The following SLC35F4 variants were observed in gnomAD, a reference collection of about 807,000 sequenced individuals.
The protein encoded by SLC35F4 is chromosome 14 open reading frame 36.
SLC35F4 carries 24 observed loss-of-function variants against 44.2 expected under a neutral mutation model. The observed-to-expected ratio is 0.54, with a 90% CI of 0.39 to 0.76. The LOEUF (loss-of-function observed/expected upper bound fraction) is 0.76. SLC35F4 is among the 30% of genes least tolerant of loss of function. SLC35F4 has a pLI of 0.00. For synonymous variants in SLC35F4, 238 were observed against 223.6 expected (o/e 1.06, Z -0.57); for missense variants, 562 against 586.1 (o/e 0.96, Z 0.42).
At chr14:57,603,291 ATTT>A (rs1012648509) in intron 1 of SLC35F4, among the ~76,000 whole-genome samples, 5 of 152,134 alleles carry the variant, frequency 3.3e-5, no homozygotes, top group Non-Finnish European at 7.4e-5. Context: ...AGAACAAACA[ATTT>A]TTTTAAAAAA....
intron 1 of SLC35F4, among the ~76,000 whole-genome samples, chr14:57,665,828 T>C (rs962639884): frequency 2.0e-5 from 3 of 152,204 alleles, no homozygotes; most frequent in Non-Finnish European, 4.4e-5. Flanking sequence ...GTCTTTTGCA[T>C]GGACATGGAT....
chr14:57,667,272 C>T (rs897231898), intron 1 of SLC35F4, among the ~76,000 whole-genome samples: 7 of 151,888 alleles, frequency 4.6e-5, no homozygotes, highest in Non-Finnish European at 7.4e-5. Context: ...TACTGCCAAA[C>T]GTTTTTAAAG....
chr14:57,675,883 G>A (rs1414966019), intron 1 of SLC35F4, among the ~76,000 whole-genome samples: 2 of 152,024 alleles, frequency 1.3e-5, no homozygotes, highest in Admixed American at 6.6e-5. Context: ...GATAGCATCA[G>A]AAAAACTCTT....
chr14:57,686,935 T>C (rs950545520), intron 1 of SLC35F4, among the ~76,000 whole-genome samples: 1 of 149,894 alleles, frequency 6.7e-6, no homozygotes, highest in African/African-American at 2.5e-5. Context: ...TATTTAGAGA[T>C]AAGGTCTTTA....
intron 1 of SLC35F4, among the ~76,000 whole-genome samples, chr14:57,695,892 A>C (rs980243262): frequency 6.6e-6 from 1 of 152,182 alleles, no homozygotes; most frequent in African/African-American, 2.4e-5. Flanking sequence ...GAAACTGGAG[A>C]CTTTTATATT....
intron 1 of SLC35F4, among the ~76,000 whole-genome samples, chr14:57,929,064 G>A (rs1889640153): frequency 6.6e-6 from 1 of 152,180 alleles, no homozygotes; most frequent in Non-Finnish European, 1.5e-5. Context: ...AAAAAGTATT[G>A]AAATGTAAGT....
chr14:57,786,112 C>G (rs900659992), intron 1 of SLC35F4, among the ~76,000 whole-genome samples: 5 of 151,988 alleles, frequency 3.3e-5, no homozygotes, highest in Admixed American at 6.6e-5. Context: ...CTTCAGTTTG[C>G]GTGGGAGCTG....
intron 1 of SLC35F4, among the ~76,000 whole-genome samples, chr14:57,742,642 C>A (rs1338237337): frequency 1.3e-5 from 2 of 152,164 alleles, no homozygotes; most frequent in Non-Finnish European, 2.9e-5. Context: ...TAACACCCCA[C>A]TTTCAACATT....
At chr14:57,761,767 T>C (rs939883463) in intron 1 of SLC35F4, among the ~76,000 whole-genome samples, 2 of 152,170 alleles carry the variant, frequency 1.3e-5, no homozygotes, top group African/African-American at 4.8e-5. Flanking sequence ...CAAAAGATCT[T>C]GTGAAGGGAA....
At chr14:57,587,028 T>C (rs963875900) in intron 3 of SLC35F4, among the ~76,000 whole-genome samples, 1 of 151,584 alleles carries the variant, frequency 6.6e-6, no homozygotes, top group African/African-American at 2.4e-5. Flanking sequence ...AAAAAGCTCA[T>C]CATCACTGGT....
At chr14:57,660,194 T>C (rs879094066) in intron 1 of SLC35F4, among the ~76,000 whole-genome samples, 4 of 152,202 alleles carry the variant, frequency 2.6e-5, no homozygotes, top group Non-Finnish European at 5.9e-5. Context: ...GCAGATGAAA[T>C]GTGATTTGCA....
At chr14:57,857,796 C>T (rs1045396204) in intron 1 of SLC35F4, among the ~76,000 whole-genome samples, 3 of 151,996 alleles carry the variant, frequency 2.0e-5, no homozygotes, top group South Asian at 4.1e-4. Context: ...CACATTTAAA[C>T]TGCACTTCTA....
chr14:57,888,612 T>A (rs1406283012), intron 1 of SLC35F4, among the ~76,000 whole-genome samples: 2 of 152,316 alleles, frequency 1.3e-5, no homozygotes, highest in East Asian at 3.9e-4. Flanking sequence ...ATTACTATCA[T>A]CATTTTAAGT....
chr14:57,760,560 T>C (rs1566829995), intron 1 of SLC35F4, among the ~76,000 whole-genome samples: 3 of 152,250 alleles, frequency 2.0e-5, no homozygotes, highest in Admixed American at 6.5e-5. Context: ...TGGATATTTT[T>C]GTATTCCTAC....
intron 1 of SLC35F4, among the ~76,000 whole-genome samples, chr14:57,671,660 G>A (rs773075903): frequency 2.0e-5 from 3 of 151,640 alleles, no homozygotes; most frequent in African/African-American, 4.9e-5. Context: ...CATAACCAGC[G>A]GTGGTGGCTA....
intron 1 of SLC35F4, among the ~76,000 whole-genome samples, chr14:57,832,831 C>A (rs911015423): frequency 6.6e-6 from 1 of 152,166 alleles, no homozygotes; most frequent in African/African-American, 2.4e-5. Context: ...TGTAAAATTA[C>A]ACTCACTGAT....
intron 1 of SLC35F4, among the ~76,000 whole-genome samples, chr14:57,744,684 TCAGC>T (rs2076708447): frequency 6.6e-6 from 1 of 152,190 alleles, no homozygotes; most frequent in African/African-American, 2.4e-5. Flanking sequence ...GCCATCCCCA[TCAGC>T]TACCTTTCTT....
chr14:57,944,754 GA>G (rs1354977218), intron 1 of SLC35F4, among the ~76,000 whole-genome samples: 17 of 127,034 alleles, frequency 1.3e-4, no homozygotes, highest in African/African-American at 4.7e-4. Context: ...AAAGAAAGAA[GA>G]AAGGAAGAAA....
At chr14:57,954,331 C>A (rs974922133) in intron 1 of SLC35F4, among the ~76,000 whole-genome samples, 2 of 152,056 alleles carry the variant, frequency 1.3e-5, no homozygotes, top group African/African-American at 2.4e-5. Context: ...CAGGAAAGAT[C>A]AAAAACTGAC....
Sources: allele counts gnomAD v4.1 joint callset (sites outside exome capture counted in the v4.1 genomes callset), GRCh38; gene constraint gnomAD v4.1.1; transcripts MANE v1.5; gene names NCBI Gene and HGNC (gene_info 2026-07-23, HGNC 2026-07-21).